Variants in CHD9 observed in about 807,000 individuals in gnomAD.
CHD9 encodes chromodomain helicase DNA binding protein 9.
CHD9 carries 77 observed loss-of-function variants against 316.1 expected under a neutral mutation model. That is an observed-to-expected ratio of 0.24 (90% CI 0.20 to 0.29). The LOEUF is 0.29. Ranked by LOEUF, CHD9 falls within the 10% of genes least tolerant of loss-of-function variation. CHD9 has a pLI of 1.00. For missense variants in CHD9, 2,763 were observed against 3,438.1 expected, an observed-to-expected ratio of 0.80 and a Z score of 4.91; for synonymous variants, 1,129 against 1,158.3, an observed-to-expected ratio of 0.97 and a Z score of 0.51.
At chr16:53,274,132 C>A (rs1283322717) in intron 23 of CHD9, 81 bp from the exon 24 acceptor site, 3 of 833,506 alleles carry the variant, frequency 3.6e-6, no homozygotes, top group South Asian at 3.0e-5. Flanking sequence ...ACACAAATTC[C>A]TTCCTAATTT....
Position 53,304,256 on chromosome 16 carries a change from G to A in CHD9, c.6250G>A (p.Val2084Ile), listed in dbSNP as rs778691268. 4.3e-5 allele frequency: 69 copies of A among 1,611,160 alleles called. No homozygotes were observed. The highest frequency in any genetic ancestry group is 5.4e-5 in the Non-Finnish European group (64 of 1,179,128). The change falls in exon 31 of 39, where the codon GTT (valine) becomes ATT (isoleucine). Residue 2084 changes from valine to isoleucine, a missense_variant. Transcript: ENST00000447540. ...KSEPVSPKNG[V>I]LPQATGDQKS... ...TGAGCCTGTAAGTCCAAAGAATGGT[G>A]TTTTACCACAGGCTACTGGAGACCA...
intron 1 of CHD9, among the ~76,000 whole-genome samples, chr16:53,152,676 C>T (rs141423530): frequency 1.3e-5 from 2 of 152,238 alleles, no homozygotes; most frequent in African/African-American, 2.4e-5. Flanking sequence ...TGTTTTGAAA[C>T]AGGGCAAGGT....
intron 2 of CHD9, among the ~76,000 whole-genome samples, chr16:53,173,907 A>G (rs1204546899): frequency 6.6e-6 from 1 of 151,966 alleles, no homozygotes. Flanking sequence ...TTCTTATTCT[A>G]TTATAGGCAT....
chr16:53,307,632 G>A (rs754219000), intron 32 of CHD9, 49 bp from the exon 33 acceptor site: 1 of 1,507,512 alleles, frequency 6.6e-7, no homozygotes, highest in South Asian at 1.3e-5. Flanking sequence ...ATCTCCAAAG[G>A]TCTGATCTAA....
intron 32 of CHD9, 77 bp downstream of exon 32, chr16:53,306,474 C>A (rs1193068791): frequency 8.1e-6 from 10 of 1,232,168 alleles, no homozygotes; most frequent in African/African-American, 1.6e-5. Context: ...GATATTCTTA[C>A]TATGTGGAAA....
intron 20 of CHD9, among the ~76,000 whole-genome samples, chr16:53,265,976 GT>G (rs536020046): frequency 1.2e-3 from 172 of 139,506 alleles, no homozygotes; most frequent in Admixed American, 8.4e-3. Flanking sequence ...TTAGTTTTTT[GT>G]TTTTTTTTTT....
At chr16:53,186,751 T>G (rs959533830) in intron 2 of CHD9, among the ~76,000 whole-genome samples, 12 of 152,172 alleles carry the variant, frequency 7.9e-5, no homozygotes, top group Admixed American at 5.9e-4. Flanking sequence ...GATAGTGAGT[T>G]AGTTCTCACA....
chr16:53,149,975 T>C (rs907864424), intron 1 of CHD9, among the ~76,000 whole-genome samples: 1 of 152,046 alleles, frequency 6.6e-6, no homozygotes, highest in Non-Finnish European at 1.5e-5. Flanking sequence ...TTTATCCTCC[T>C]GTGACTTTGT....
intron 1 of CHD9, among the ~76,000 whole-genome samples, chr16:53,150,832 A>T (rs541500092): frequency 6.6e-6 from 1 of 152,296 alleles, no homozygotes; most frequent in South Asian, 2.1e-4. Context: ...TCTGATGAGA[A>T]ATCCACTTGT....
intron 29 of CHD9, among the ~76,000 whole-genome samples, chr16:53,295,710 A>C (rs556580921): frequency 1.3e-5 from 2 of 152,276 alleles, no homozygotes; most frequent in South Asian, 4.1e-4. Context: ...TTTTTACATC[A>C]TAATTACATT....
Position 53,288,029 on chromosome 16 carries a change from A to G in CHD9, c.5247+15A>G, listed in dbSNP as rs779937834. On this transcript the variant is annotated intron_variant, in intron 27 of 38. Transcript: ENST00000447540. ...ATGATATAGAGGTATGCATTGGATC[A>G]TATTTTTAAATCCTCAATTTTAGGT... is the stretch of plus-strand genomic sequence containing the variant. 4 of 1,578,482 alleles carry G rather than the reference A, an allele frequency of 2.5e-6. No homozygotes were observed. Among genetic ancestry groups the G allele is most frequent in the East Asian group, 2.2e-5 (1 of 44,692 alleles).
intron 1 of CHD9, among the ~76,000 whole-genome samples, chr16:53,133,081 T>C (rs2152687158): frequency 6.6e-6 from 1 of 152,292 alleles, no homozygotes; most frequent in South Asian, 2.1e-4. Flanking sequence ...GACCATATAA[T>C]GTAGACGTGA....
At chr16:53,295,661 T>C (rs1276661556) in intron 29 of CHD9, among the ~76,000 whole-genome samples, 1 of 152,226 alleles carries the variant, frequency 6.6e-6, no homozygotes, top group Non-Finnish European at 1.5e-5. Context: ...TTTATTCTTA[T>C]TACCCAGATT....
intron 26 of CHD9, 68 bp downstream of exon 26, chr16:53,286,411 G>A (rs1273913293): frequency 7.3e-6 from 6 of 818,276 alleles, no homozygotes; most frequent in African/African-American, 3.4e-5. Context: ...CATATTCTAT[G>A]TCACACTATT....
intron 2 of CHD9, among the ~76,000 whole-genome samples, chr16:53,183,349 C>T (rs996679630): frequency 6.6e-6 from 1 of 152,012 alleles, no homozygotes; most frequent in Admixed American, 6.6e-5. Flanking sequence ...TCATTGTCAT[C>T]TTTTCAGTAT....
intron 2 of CHD9, among the ~76,000 whole-genome samples, chr16:53,195,650 A>T (rs1180139260): frequency 6.6e-6 from 1 of 151,978 alleles, no homozygotes; most frequent in Admixed American, 6.6e-5. Context: ...AGCTCAGAGA[A>T]GGCCTAAGCG....
chr16:53,188,757 G>T (rs925377624), intron 2 of CHD9, among the ~76,000 whole-genome samples: 1 of 151,400 alleles, frequency 6.6e-6, no homozygotes, highest in African/African-American at 2.4e-5. Context: ...ACCACGCCTG[G>T]CTAATTTTTT....
In CHD9 at chr16:53,267,353, A is replaced by T. The variant is rs1723479303; in HGVS notation, c.4380A>T (p.Thr1460=). ...IRKQTRPFSA[T]KDELAELSEA... is the part of the protein sequence containing the mutation. ...AGCAAACAAGACCTTTTAGTGCCAC[A>T]AAAGATGAATTGGCTGAATTATCTG... The change falls in exon 21 of 39, where the codon ACA becomes ACT. Residue 1460 remains threonine (T), a synonymous_variant. Coordinates refer to ENST00000447540, the MANE Select transcript of CHD9 (RefSeq NM_001308319.2). 6.2e-7 allele frequency: 1 copy of T among 1,612,708 alleles called. No individual in the cohort carries two copies. Among genetic ancestry groups the T allele is most frequent in the African/African-American group, 1.3e-5 (1 of 74,880 alleles).
rs146855873 is a variant in CHD9, at chr16:53,177,870, C to G, written c.1452+20329C>G. On this transcript the variant is annotated intron_variant, in intron 2 of 38. Coordinates refer to ENST00000447540, the MANE Select transcript of CHD9 (RefSeq NM_001308319.2). ...AATCTGGCAGAAGCAGGCTATTCTA[C>G]TCTATTCTACTTGTCTTTCCAATCC... Among the ~76,000 whole-genome samples the G allele has an allele frequency of 4.5e-4, 69 of 152,338 alleles. 1 individual carries two copies. In the East Asian group the frequency reaches 0.011, roughly 23 times the overall value.
Sources: gnomAD v4.1 joint callset for allele counts (sites outside exome capture counted in the v4.1 genomes callset) on GRCh38, gnomAD v4.1.1 for gene constraint, MANE v1.5 for transcripts, NCBI Gene and HGNC (gene_info 2026-07-23, HGNC 2026-07-21) for gene names.